KCNB2: variants seen among roughly 807,000 people sequenced by gnomAD.
KCNB2 encodes delayed rectifier potassium channel protein.
In KCNB2, 15 loss-of-function variants were observed where a neutral mutation model predicts 61.5. The ratio of observed to expected loss-of-function variants is 0.24; its 90% CI spans 0.16 to 0.38. The LOEUF (loss-of-function observed/expected upper bound fraction) is 0.38. Ranked by LOEUF, KCNB2 falls within the 10% of genes least tolerant of loss-of-function variation. The pLI is 1.00. For synonymous variants in KCNB2, 457 were observed against 446.0 expected (o/e 1.02, Z -0.31); for missense variants, 828 against 1,125.2 (o/e 0.74, Z 3.78).
intron 2 of KCNB2, among the ~76,000 whole-genome samples, chr8:72,672,939 G>A (rs1194097844): frequency 2.0e-5 from 3 of 152,182 alleles, no homozygotes; most frequent in Non-Finnish European, 4.4e-5. Flanking sequence ...CTTGTGCCTT[G>A]CTGGTGAGAA....
At chr8:72,575,503 C>T (rs1459006130) in intron 2 of KCNB2, among the ~76,000 whole-genome samples, 8 of 151,760 alleles carry the variant, frequency 5.3e-5, no homozygotes, top group Non-Finnish European at 7.4e-5. Context: ...TATTCTCTTC[C>T]CAGAGAACCT....
intron 2 of KCNB2, among the ~76,000 whole-genome samples, chr8:72,909,323 T>A (rs1160999868): frequency 6.6e-6 from 1 of 151,864 alleles, no homozygotes; most frequent in Non-Finnish European, 1.5e-5. Context: ...GAAGAACACA[T>A]CAGGCAAAGG....
chr8:72,653,021 G>A (rs1806236193), intron 2 of KCNB2, among the ~76,000 whole-genome samples: 1 of 152,034 alleles, frequency 6.6e-6, no homozygotes, highest in African/African-American at 2.4e-5. Flanking sequence ...GCTTTTGGCT[G>A]CATACCTCCA....
chr8:72,834,024 T>G (rs555296281), intron 2 of KCNB2, among the ~76,000 whole-genome samples: 1 of 152,340 alleles, frequency 6.6e-6, no homozygotes, highest in East Asian at 1.9e-4. Context: ...CAAAAGCATT[T>G]TTCTTCCCAC....
chr8:72,789,178 C>T (rs1585894243), intron 2 of KCNB2, among the ~76,000 whole-genome samples: 1 of 152,270 alleles, frequency 6.6e-6, no homozygotes, highest in Non-Finnish European at 1.5e-5. Context: ...GTTGGGTGCT[C>T]ACTATGATAT....
chr8:72,586,502 A>G (rs1190290662), intron 2 of KCNB2, among the ~76,000 whole-genome samples: 1 of 152,230 alleles, frequency 6.6e-6, no homozygotes. Context: ...CTCTCAATAG[A>G]AAAGAACTAA....
intron 2 of KCNB2, among the ~76,000 whole-genome samples, chr8:72,716,608 A>C (rs1369618286): frequency 2.0e-5 from 3 of 152,250 alleles, no homozygotes; most frequent in Non-Finnish European, 2.9e-5. Flanking sequence ...AACAAAATTC[A>C]ACAACACTTC....
intron 2 of KCNB2, among the ~76,000 whole-genome samples, chr8:72,732,984 A>C (rs1273663928): frequency 1.3e-5 from 2 of 152,116 alleles, no homozygotes; most frequent in Non-Finnish European, 2.9e-5. Flanking sequence ...GATGTGTTGA[A>C]GATGCTAAAA....
chr8:72,701,900 G>A (rs1207983062), intron 2 of KCNB2, among the ~76,000 whole-genome samples: 1 of 152,094 alleles, frequency 6.6e-6, no homozygotes, highest in African/African-American at 2.4e-5. Flanking sequence ...ATATAGAATA[G>A]ATATGTAATA....
chr8:72,890,365 G>A (rs1204820500), intron 2 of KCNB2, among the ~76,000 whole-genome samples: 1 of 152,184 alleles, frequency 6.6e-6, no homozygotes, highest in Non-Finnish European at 1.5e-5. Context: ...CTGCTTTGCA[G>A]ACACAATACA....
chr8:72,717,596 A>T (rs901689212), intron 2 of KCNB2, among the ~76,000 whole-genome samples: 11 of 152,290 alleles, frequency 7.2e-5, no homozygotes, highest in Non-Finnish European at 1.6e-4. Context: ...GTGCTGGGAA[A>T]ACTGGCTAGC....
chr8:72,695,590 C>A (rs1400140968), intron 2 of KCNB2, among the ~76,000 whole-genome samples: 2 of 152,134 alleles, frequency 1.3e-5, no homozygotes. Flanking sequence ...TGGACATCTC[C>A]TCTGATTCAT....
chr8:72,806,786 T>C (rs1809232091), intron 2 of KCNB2, among the ~76,000 whole-genome samples: 1 of 152,186 alleles, frequency 6.6e-6, no homozygotes. Flanking sequence ...GGGTCTTTAA[T>C]GGAGCATATA....
At chr8:72,917,659 A>G (rs920733695) in intron 2 of KCNB2, among the ~76,000 whole-genome samples, 2 of 152,214 alleles carry the variant, frequency 1.3e-5, no homozygotes, top group African/African-American at 4.8e-5. Flanking sequence ...TAAGTGGTAA[A>G]TTTTTAAAAG....
intron 2 of KCNB2, among the ~76,000 whole-genome samples, chr8:72,735,763 T>C (rs1182795444): frequency 2.6e-5 from 4 of 152,222 alleles, no homozygotes; most frequent in East Asian, 1.9e-4. Context: ...ACAGTATGCA[T>C]AGCAGTCTTT....
At chr8:72,626,103 A>C (rs920054719) in intron 2 of KCNB2, among the ~76,000 whole-genome samples, 4 of 152,202 alleles carry the variant, frequency 2.6e-5, no homozygotes, top group African/African-American at 9.6e-5. Flanking sequence ...CAGAAGATCA[A>C]AGTCACATTC....
intron 2 of KCNB2, among the ~76,000 whole-genome samples, chr8:72,919,662 GA>G (rs759897647): frequency 1.3e-5 from 2 of 152,230 alleles, no homozygotes; most frequent in East Asian, 3.9e-4. Context: ...GATTGCATTC[GA>G]CCAAGTGAGG....
At chr8:72,834,700 T>C (rs1204401802) in intron 2 of KCNB2, among the ~76,000 whole-genome samples, 9 of 152,090 alleles carry the variant, frequency 5.9e-5, no homozygotes, top group Admixed American at 5.9e-4. Flanking sequence ...TATTAATTGA[T>C]AGAAAGGATG....
chr8:72,681,262 A>C (rs1806745842), intron 2 of KCNB2, among the ~76,000 whole-genome samples: 1 of 152,208 alleles, frequency 6.6e-6, no homozygotes, highest in South Asian at 2.1e-4. Context: ...ACAGCTTTAG[A>C]ATAGAAAAAA....
Sources: allele counts gnomAD v4.1 joint callset (sites outside exome capture counted in the v4.1 genomes callset), GRCh38; gene constraint gnomAD v4.1.1; transcripts MANE v1.5; gene names NCBI Gene and HGNC (gene_info 2026-07-23, HGNC 2026-07-21).